NPAS3: variants seen among roughly 807,000 people sequenced by gnomAD.
The protein encoded by NPAS3 is neuronal PAS domain protein 3.
A neutral mutation model predicts 73.1 loss-of-function variants in NPAS3; 14 were observed. That is an observed-to-expected ratio of 0.19 (90% CI 0.13 to 0.30). The LOEUF (loss-of-function observed/expected upper bound fraction) is 0.30, where lower values mean the gene tolerates loss of function less well. NPAS3 is among the 10% of genes least tolerant of loss of function. NPAS3 has a pLI of 1.00. For missense variants in NPAS3, 1,096 were observed against 1,250.0 expected, an observed-to-expected ratio of 0.88 and a Z score of 1.86; for synonymous variants, 620 against 541.5, an observed-to-expected ratio of 1.14 and a Z score of -2.01.
intron 4 of NPAS3, among the ~76,000 whole-genome samples, chr14:33,400,812 G>A (rs1021345816): frequency 1.3e-5 from 2 of 151,986 alleles, no homozygotes; most frequent in Non-Finnish European, 2.9e-5. Context: ...GGTATTGATG[G>A]TGTGTGTATG....
At chr14:32,979,189 TA>T (rs1368543266) in intron 1 of NPAS3, among the ~76,000 whole-genome samples, 1 of 152,130 alleles carries the variant, frequency 6.6e-6, no homozygotes, top group Non-Finnish European at 1.5e-5. Context: ...TAATAGTTAT[TA>T]TTCTGATTAT....
chr14:33,242,364 C>G (rs1203883726), intron 3 of NPAS3, among the ~76,000 whole-genome samples: 3 of 152,016 alleles, frequency 2.0e-5, no homozygotes, highest in Non-Finnish European at 4.4e-5. Flanking sequence ...TTTTGTATGA[C>G]CACCTGTCCC....
chr14:33,026,546 T>C (rs77796356), intron 1 of NPAS3, among the ~76,000 whole-genome samples: 1 of 151,536 alleles, frequency 6.6e-6, no homozygotes, highest in Non-Finnish European at 1.5e-5. Flanking sequence ...TTTTTTTTTT[T>C]GTTCCTCTCT....
In NPAS3 at chr14:33,652,638, C is replaced by G. The variant is rs150862920; in HGVS notation, c.559-23573C>G. On this transcript the variant is annotated intron_variant, in intron 5 of 11. Coordinates refer to ENST00000356141, the Ensembl canonical transcript of NPAS3. ...TCACGAAGCAAAACGAGATGAGGGACTTTTCCTTGGCTCTGATTCAGGCGC... is the reference window on the plus strand; with the variant it reads ...TCACGAAGCAAAACGAGATGAGGGAGTTTTCCTTGGCTCTGATTCAGGCGC... 3.4e-3 allele frequency among the ~76,000 whole-genome samples: 514 copies of G among 152,288 alleles called. 3 individuals carry two copies. Among genetic ancestry groups the G allele is most frequent in the African/African-American group, 0.012 (496 of 41,558 alleles).
intron 2 of NPAS3, among the ~76,000 whole-genome samples, chr14:33,171,167 G>A (rs1270267942): frequency 1.3e-5 from 2 of 152,212 alleles, no homozygotes; most frequent in Non-Finnish European, 2.9e-5. Flanking sequence ...GGGTGACCGA[G>A]TGCATTGTCA....
intron 3 of NPAS3, among the ~76,000 whole-genome samples, chr14:33,358,144 G>A (rs1001948605): frequency 1.3e-5 from 2 of 152,322 alleles, no homozygotes; most frequent in East Asian, 1.9e-4. Flanking sequence ...TGATACAACA[G>A]TCTGGTTAGT....
chr14:32,935,354 C>T (rs990535505), upstream of NPAS3, among the ~76,000 whole-genome samples: 1 of 152,194 alleles, frequency 6.6e-6, no homozygotes, highest in African/African-American at 2.4e-5. Context: ...CTCAATGCCT[C>T]AGCCGGATGC....
At chr14:33,602,096 C>T (rs2057415889) in intron 5 of NPAS3, among the ~76,000 whole-genome samples, 1 of 152,056 alleles carries the variant, frequency 6.6e-6, no homozygotes, top group Non-Finnish European at 1.5e-5. Context: ...GTGGGGAGAC[C>T]TCGATTAGCT....
intron 3 of NPAS3, among the ~76,000 whole-genome samples, chr14:33,234,350 G>T (rs1439970379): frequency 6.6e-6 from 1 of 152,058 alleles, no homozygotes; most frequent in African/African-American, 2.4e-5. Context: ...AGGGATTTAC[G>T]CATGCAAATA....
chr14:33,282,847 T>G (rs2041685310), intron 3 of NPAS3, among the ~76,000 whole-genome samples: 1 of 152,210 alleles, frequency 6.6e-6, no homozygotes, highest in Non-Finnish European at 1.5e-5. Context: ...CTCTGATTTG[T>G]ACTGTCTCAT....
intron 7 of NPAS3, among the ~76,000 whole-genome samples, chr14:33,773,172 G>A (rs970907828): frequency 7.9e-5 from 12 of 152,178 alleles, no homozygotes; most frequent in South Asian, 2.1e-4. Flanking sequence ...TGGGAGGCAC[G>A]AGACCTACTT....
chr14:33,522,969 TCTTAA>T (rs370701961), intron 4 of NPAS3, among the ~76,000 whole-genome samples: 6 of 152,288 alleles, frequency 3.9e-5, no homozygotes, highest in African/African-American at 1.4e-4. Flanking sequence ...CTGATGTCTG[TCTTAA>T]CTTTGTCACT....
At chr14:33,562,280 A>T (rs1049200337) in intron 5 of NPAS3, among the ~76,000 whole-genome samples, 4 of 152,184 alleles carry the variant, frequency 2.6e-5, no homozygotes, top group African/African-American at 9.7e-5. Flanking sequence ...CTGTGTAGAC[A>T]TGGTACAGTA....
chr14:33,196,738 C>A (rs1455577146), intron 2 of NPAS3, among the ~76,000 whole-genome samples: 4 of 152,058 alleles, frequency 2.6e-5, no homozygotes, highest in Non-Finnish European at 4.4e-5. Context: ...TATAATAGAC[C>A]CAACTTGATT....
chr14:33,328,346 A>C (rs1321248911), intron 3 of NPAS3, among the ~76,000 whole-genome samples: 2 of 134,444 alleles, frequency 1.5e-5, no homozygotes, highest in African/African-American at 2.8e-5. Context: ...TTATCTTCGT[A>C]TTCTTATTTG....
chr14:33,185,416 G>T (rs2045943252), intron 2 of NPAS3, among the ~76,000 whole-genome samples: 1 of 152,100 alleles, frequency 6.6e-6, no homozygotes, highest in African/African-American at 2.4e-5. Context: ...AGTCTAAGTA[G>T]TTCAAATTTC....
At chr14:33,163,226 A>G (rs535690818) in intron 2 of NPAS3, among the ~76,000 whole-genome samples, 13 of 152,340 alleles carry the variant, frequency 8.5e-5, no homozygotes, top group African/African-American at 2.9e-4. Context: ...TAAAGCATAA[A>G]TCTTGTACAG....
intron 1 of NPAS3, among the ~76,000 whole-genome samples, chr14:33,051,744 G>A (rs1469577903): frequency 6.6e-6 from 1 of 152,092 alleles, no homozygotes; most frequent in Non-Finnish European, 1.5e-5. Flanking sequence ...ACCAATTTAG[G>A]GGTACAAATA....
At chr14:33,723,273 G>A (rs147560030) in intron 6 of NPAS3, among the ~76,000 whole-genome samples, 5 of 152,196 alleles carry the variant, frequency 3.3e-5, no homozygotes, top group South Asian at 2.1e-4. Context: ...GCATAAGACT[G>A]CACTCATGCA....
Sources: allele counts gnomAD v4.1 joint callset (sites outside exome capture counted in the v4.1 genomes callset), GRCh38; gene constraint gnomAD v4.1.1; transcripts MANE v1.5; gene names NCBI Gene and HGNC (gene_info 2026-07-23, HGNC 2026-07-21).